The following SPECC1 variants were observed in gnomAD, a reference collection of about 807,000 sequenced individuals.
SPECC1 encodes sperm antigen with calponin homology and coiled-coil domains 1.
A neutral mutation model predicts 104.1 loss-of-function variants in SPECC1; 62 were observed. The observed-to-expected ratio is 0.60, with a 90% confidence interval of 0.49 to 0.74. The LOEUF is 0.74. Among genes scored for constraint, SPECC1 ranks in the 30% least tolerant of loss-of-function variants. The probability of loss-of-function intolerance (pLI) is 0.00; values close to 1 mark genes in which losing one functional copy is unlikely to be tolerated. For missense variants in SPECC1, 1,306 were observed against 1,310.5 expected, an observed-to-expected ratio of 1.00 and a Z score of 0.05; for synonymous variants, 513 against 501.6, an observed-to-expected ratio of 1.02 and a Z score of -0.30.
In SPECC1 at chr17:20,142,512, C is replaced by G. The variant is rs191827835; in HGVS notation, c.283+31950C>G. On this transcript the variant is annotated intron_variant, in intron 3 of 14. Transcript: ENST00000395527. Reference sequence around the variant, plus strand: ...CCTTAAAAAGAAAGAATTTCTGACACGTGCTACAGCATGTGCTACCTCAAA... The same window carrying G: ...CCTTAAAAAGAAAGAATTTCTGACAGGTGCTACAGCATGTGCTACCTCAAA... Among the ~76,000 whole-genome samples, 239 of 152,236 alleles carry G rather than the reference C, an allele frequency of 1.6e-3. 2 individuals are homozygous for G. The highest frequency in any genetic ancestry group is 5.4e-3 in the African/African-American group (224 of 41,548).
chr17:20,239,457 C>T (rs191220041), intron 7 of SPECC1: 1 of 217,616 alleles, frequency 4.6e-6, no homozygotes, highest in Admixed American at 6.4e-5. Context: ...TTTATCATAT[C>T]ATAGGCATCC....
At chr17:20,215,198 G>A (rs533465052) in intron 4 of SPECC1, among the ~76,000 whole-genome samples, 3 of 152,202 alleles carry the variant, frequency 2.0e-5, no homozygotes, top group Admixed American at 6.5e-5. Context: ...TGTCTAGACA[G>A]GATGTTCCAT....
At chr17:20,071,131 A>G (rs910085727) in intron 1 of SPECC1, among the ~76,000 whole-genome samples, 12 of 152,078 alleles carry the variant, frequency 7.9e-5, no homozygotes, top group African/African-American at 2.9e-4. Flanking sequence ...TCCCGGGCTC[A>G]AGCAATCCTC....
intron 12 of SPECC1, among the ~76,000 whole-genome samples, chr17:20,286,066 C>T (rs1272211078): frequency 6.6e-6 from 1 of 152,154 alleles, no homozygotes; most frequent in East Asian, 1.9e-4. Context: ...CCTGCCTCGG[C>T]CTCCCAAAGT....
rs540310966 is a variant in SPECC1, at chr17:20,046,626, G to A, written c.-22+37202G>A. On this transcript the variant is annotated intron_variant, in intron 1 of 14. Transcript: ENST00000395527. ...AATAAAAGTGGAATAGGGTGAGTGA[G>A]GTCCATGGGGTCAAGGGGAGTATGT... Among the ~76,000 whole-genome samples, 3 of 152,292 alleles carry A rather than the reference G, an allele frequency of 2.0e-5. No individual in the cohort carries two copies. In the South Asian group the frequency reaches 6.2e-4, roughly 32 times the overall value.
At chr17:20,092,783 C>G (rs1010363038) in intron 1 of SPECC1, among the ~76,000 whole-genome samples, 2 of 152,194 alleles carry the variant, frequency 1.3e-5, no homozygotes, top group African/African-American at 4.8e-5. Context: ...GAAGTTGGCA[C>G]TGATAACTCC....
chr17:20,058,233 C>T (rs555496721), intron 1 of SPECC1, among the ~76,000 whole-genome samples: 4 of 152,154 alleles, frequency 2.6e-5, no homozygotes, highest in African/African-American at 9.7e-5. Flanking sequence ...GCACCTTTCT[C>T]CTTAGTATCA....
chr17:20,160,414 T>A (rs948100507), intron 3 of SPECC1, among the ~76,000 whole-genome samples: 1 of 152,112 alleles, frequency 6.6e-6, no homozygotes, highest in African/African-American at 2.4e-5. Context: ...TATTTCTACT[T>A]ATGTTCCACT....
At chr17:20,170,152 G>T (rs558738240) in intron 3 of SPECC1, among the ~76,000 whole-genome samples, 97 of 152,324 alleles carry the variant, frequency 6.4e-4, no homozygotes, top group Non-Finnish European at 1.2e-3. Context: ...CAGGATGTGT[G>T]TTGTTTGGCA....
At chr17:20,185,131 T>C (rs1361644698) in intron 3 of SPECC1, 3 of 152,270 alleles carry the variant, frequency 2.0e-5, no homozygotes, top group Admixed American at 2.0e-4. Context: ...GGTTTTGAGA[T>C]AAAAATCTGT....
At chr17:20,306,554 A>T (rs1430757989) in intron 14 of SPECC1, among the ~76,000 whole-genome samples, 3 of 152,254 alleles carry the variant, frequency 2.0e-5, no homozygotes, top group Non-Finnish European at 4.4e-5. Flanking sequence ...GGCTCACAAC[A>T]TGCTGATCTT....
intron 4 of SPECC1, among the ~76,000 whole-genome samples, chr17:20,221,171 C>T (rs988638583): frequency 1.3e-5 from 2 of 152,022 alleles, no homozygotes; most frequent in Non-Finnish European, 2.9e-5. Context: ...CAGGATAATA[C>T]TGCTTTCAGA....
intron 4 of SPECC1, among the ~76,000 whole-genome samples, chr17:20,224,414 G>A (rs1046329935): frequency 6.6e-6 from 1 of 152,218 alleles, no homozygotes; most frequent in African/African-American, 2.4e-5. Flanking sequence ...AGCCAGGCTT[G>A]TATCTTTCCC....
At chr17:20,264,443 T>A (rs1254068935) in intron 12 of SPECC1, among the ~76,000 whole-genome samples, 1 of 150,320 alleles carries the variant, frequency 6.7e-6, no homozygotes, top group African/African-American at 2.5e-5. Flanking sequence ...CCATGTGGCT[T>A]TTTTTGGAGA....
intron 1 of SPECC1, among the ~76,000 whole-genome samples, chr17:20,038,096 G>A (rs551001533): frequency 6.8e-4 from 103 of 152,104 alleles, no homozygotes; most frequent in African/African-American, 2.4e-3. Context: ...CTGGTAATCC[G>A]TGTCTTCTTT....
chr17:20,255,463 C>T (rs1598093022), intron 10 of SPECC1, among the ~76,000 whole-genome samples: 1 of 152,222 alleles, frequency 6.6e-6, no homozygotes, highest in South Asian at 2.1e-4. Context: ...ATAAAATTTA[C>T]CTTATCAACC....
At position 20,097,122 on chromosome 17, in the gene SPECC1, G is replaced by A. The variant is rs138466373; in HGVS notation, c.147+324G>A. On this transcript the variant is annotated intron_variant, in intron 2 of 14. Transcript: ENST00000395527. The stretch of plus-strand genomic sequence containing the variant: ...GTCGAGGTCATGCACGATCTTTGCA[G>A]CCCCCCACAATCCAGTTGTAGTTCT... 2.2e-4 allele frequency among the ~76,000 whole-genome samples: 34 copies of A among 152,256 alleles called. No individual in the cohort carries two copies. The East Asian group carries it at 6.6e-3, about 29-fold the overall frequency.
intron 3 of SPECC1, among the ~76,000 whole-genome samples, chr17:20,186,396 GA>G (rs1319973853): frequency 6.6e-6 from 1 of 152,150 alleles, no homozygotes; most frequent in African/African-American, 2.4e-5. Flanking sequence ...CATTCTGTTG[GA>G]GAAATGACAC....
chr17:20,019,371 A>G (rs1412294771), intron 1 of SPECC1, among the ~76,000 whole-genome samples: 1 of 152,060 alleles, frequency 6.6e-6, no homozygotes, highest in Non-Finnish European at 1.5e-5. Context: ...GACTTCTCCC[A>G]GTCAGATGGT....
Sources: gnomAD v4.1 joint callset for allele counts (sites outside exome capture counted in the v4.1 genomes callset) on GRCh38, gnomAD v4.1.1 for gene constraint, MANE v1.5 for transcripts, NCBI Gene and HGNC (gene_info 2026-07-23, HGNC 2026-07-21) for gene names.